The following CFAP91 variants were observed in gnomAD, a reference collection of about 807,000 sequenced individuals.
CFAP91 encodes the protein cilia- and flagella-associated protein 91.
In CFAP91, 85 loss-of-function variants were observed where a neutral mutation model predicts 95.9. The observed-to-expected ratio is 0.89, with a 90% confidence interval of 0.74 to 1.06. CFAP91 has a LOEUF of 1.06. CFAP91 is among the 50% of genes least tolerant of loss of function. CFAP91 has a pLI of 0.00. For missense variants in CFAP91, 962 were observed against 943.4 expected, an observed-to-expected ratio of 1.02 and a Z score of -0.26; for synonymous variants, 335 against 327.5, an observed-to-expected ratio of 1.02 and a Z score of -0.25.
chr3:119,747,377 C>T, intron 15 of CFAP91, 114 bp downstream of exon 15: 1 of 1,208,754 alleles, frequency 8.3e-7, no homozygotes, highest in Non-Finnish European at 1.1e-6. Flanking sequence ...ACTCATACTT[C>T]AGCGTCCATT....
rs1178123261 is a variant in CFAP91 at position 119,703,168 on chromosome 3, A to G, written c.70A>G (p.Arg24Gly). 1 of 1,606,962 alleles carries G rather than the reference A, an allele frequency of 6.2e-7. No individual in the cohort carries two copies. Among genetic ancestry groups the G allele is most frequent in the Non-Finnish European group, 8.5e-7 (1 of 1,176,626 alleles). The change falls in exon 1 of 18, where the codon AGG becomes GGG. Residue 24 changes from arginine (R) to glycine (G), a missense_variant. Coordinates refer to ENST00000273390, the MANE Select transcript of CFAP91 (RefSeq NM_033364.4). ...PQVSQTRYRE[R>G]SRAGSHISSN... ...GGTGTCTCAAACTCGGTACCGGGAG[A>G]GGTCGCGGGCTGGGAGCCACATCTC... is the stretch of plus-strand genomic sequence containing the variant.
At chr3:119,707,603 A>G in intron 3 of CFAP91, 42 bp downstream of exon 3, 1 of 1,499,980 alleles carries the variant, frequency 6.7e-7, no homozygotes, top group South Asian at 1.3e-5. Flanking sequence ...AAATGCATTA[A>G]AAGCATTTCT....
Position 119,730,231 on chromosome 3 carries a change from T to A in CFAP91, c.872T>A (p.Ile291Asn). 1 of 1,613,622 alleles carries A rather than the reference T, an allele frequency of 6.2e-7. No individual in the cohort carries two copies. Among genetic ancestry groups the A allele is most frequent in the Non-Finnish European group, 8.5e-7 (1 of 1,179,894 alleles). Residue 291 changes from isoleucine to asparagine, a missense_variant, in exon 8 of 18, where the codon ATT becomes AAT. Transcript: ENST00000273390. ...REQEIEKLQE[I>N]RLEVLKELLR... ...TAATTTACTTGAAGACTGCAGGAGA[T>A]TCGCCTGGAAGTTCTAAAAGAGCTG...
chr3:119,715,535 A>G (rs778677534), intron 5 of CFAP91, 27 bp from the exon 6 acceptor site: 42 of 1,601,504 alleles, frequency 2.6e-5, no homozygotes, highest in Non-Finnish European at 3.4e-5. Context: ...ACAGGTTTCA[A>G]TTTTTAAACT....
chr3:119,728,894 C>T lies in CFAP91; in HGVS notation c.861-1326C>T, dbSNP rs1278249888. 2.0e-5 allele frequency among the ~76,000 whole-genome samples: 3 copies of T among 152,198 alleles called. 1 individual carries two copies. The highest frequency in any genetic ancestry group is 2.0e-4 in the Admixed American group (3 of 15,284). ...CACTCTTCTAGCCTGGTATGTATCT[C>T]CTTGTGCGGGAAATGTCGGTTCTTA... On this transcript the variant is annotated intron_variant, in intron 7 of 17. Transcript: ENST00000273390.
At chr3:119,757,805 G>A (rs954831404) in intron 17 of CFAP91, among the ~76,000 whole-genome samples, 1 of 152,056 alleles carries the variant, frequency 6.6e-6, no homozygotes, top group Non-Finnish European at 1.5e-5. Flanking sequence ...GAAACCAGAG[G>A]AGCTGTGTGG....
At position 119,707,398 on chromosome 3, in the gene CFAP91, CATT is replaced by C; in HGVS notation, c.202-4_202-2del. On this transcript the variant is annotated splice_region_variant and splice_polypyrimidine_tract_variant and intron_variant, in intron 2 of 17. Coordinates refer to ENST00000273390, the MANE Select transcript of CFAP91 (RefSeq NM_033364.4). The stretch of plus-strand genomic sequence containing the variant: ...TTTGTCCTTTGCCTCCCTTCTCTAA[CATT>C]AGAGAAAAGTTCCCAGGTTTAAAAC... 6.5e-7 allele frequency: 1 copy of C among 1,529,424 alleles called. No homozygotes were observed. 94.7% of individuals were successfully genotyped at this position (1,529,424 alleles called of 1,614,324 possible).
In CFAP91 at chr3:119,721,282, G is replaced by A. The variant is rs75911951; in HGVS notation, c.683-4889G>A. Among the ~76,000 whole-genome samples the A allele has an allele frequency of 7.3e-3, 1,117 of 152,296 alleles. 7 individuals are homozygous for A. Among genetic ancestry groups the A allele is most frequent in the Middle Eastern group, 0.038 (11 of 292 alleles). On this transcript the variant is annotated intron_variant, in intron 6 of 17. Transcript: ENST00000273390. Reference sequence around the variant, plus strand: ...GAAAAAGTATTTTATAGCATGCAGTGCTCATTTATGACATATACTCTGAAT... The same window carrying A: ...GAAAAAGTATTTTATAGCATGCAGTACTCATTTATGACATATACTCTGAAT...
At position 119,740,473 on chromosome 3, in the gene CFAP91, C is replaced by G. The variant is rs2054093960; in HGVS notation, c.1534-76C>G. On this transcript the variant is annotated intron_variant, in intron 12 of 17. Transcript: ENST00000273390. ...CACTGTTCACAAGTGTCTCACAAGT[C>G]ACTGCGTGTGACTCCTAGTGCTTGG... The G allele has an allele frequency of 6.5e-6, 10 of 1,530,182 alleles. No homozygotes were observed. The African/African-American group carries it at 1.1e-4, about 17-fold the overall frequency. 94.8% of individuals were successfully genotyped at this position (1,530,182 alleles called of 1,614,324 possible). A position where few individuals can be genotyped will look rare whatever the true frequency, so the allele number is the denominator to read the frequency against.
At chr3:119,740,526 G>C (rs748661726) in intron 12 of CFAP91, 23 bp from the exon 13 acceptor site, 1 of 1,558,818 alleles carries the variant, frequency 6.4e-7, no homozygotes, top group Admixed American at 1.7e-5. Flanking sequence ...TTGCAGGTCT[G>C]TCTTTGATTT....
At chr3:119,723,080 A>T (rs1400161362) in intron 6 of CFAP91, among the ~76,000 whole-genome samples, 1 of 152,226 alleles carries the variant, frequency 6.6e-6, no homozygotes, top group Non-Finnish European at 1.5e-5. Context: ...CCCAGAAATT[A>T]TACAAAAGCA....
At position 119,733,392 on chromosome 3, in the gene CFAP91, A is replaced by G; in HGVS notation, c.1230A>G (p.Pro410=). ...TAGTGGAACTTGAGTCATGTCTCCC[A>G]GATTTTGTGACACAACCCCAAATCA... ...EGLVELESCL[P]DFVTQPQIRA... The change falls in exon 10 of 18, where the codon CCA becomes CCG. Residue 410 remains proline (P), a synonymous_variant. Transcript: ENST00000273390. The G allele has an allele frequency of 2.5e-6, 4 of 1,614,118 alleles. No homozygotes were observed. Among genetic ancestry groups the G allele is most frequent in the Non-Finnish European group, 3.4e-6 (4 of 1,179,976 alleles).
At chr3:119,735,337 A>C (rs1261810590) in intron 10 of CFAP91, among the ~76,000 whole-genome samples, 5 of 152,144 alleles carry the variant, frequency 3.3e-5, no homozygotes, top group Admixed American at 1.3e-4. Context: ...CATGTAGCTC[A>C]TCAGTTTCAG....
intron 4 of CFAP91, among the ~76,000 whole-genome samples, chr3:119,709,343 A>G (rs1381278524): frequency 6.6e-6 from 1 of 152,188 alleles, no homozygotes; most frequent in East Asian, 1.9e-4. Context: ...ATTTTGTGAT[A>G]CTGACTTTTC....
At chr3:119,719,341 T>C (rs557491439) in intron 6 of CFAP91, among the ~76,000 whole-genome samples, 92 of 152,344 alleles carry the variant, frequency 6.0e-4, no homozygotes, top group African/African-American at 2.1e-3. Flanking sequence ...TCTGGTAATA[T>C]TCTATTCCTT....
At chr3:119,728,028 G>A (rs1234494722) in intron 7 of CFAP91, among the ~76,000 whole-genome samples, 1 of 151,824 alleles carries the variant, frequency 6.6e-6, no homozygotes, top group Non-Finnish European at 1.5e-5. Context: ...TGATGATGAT[G>A]ATGATGATGA....
In CFAP91 at chr3:119,747,531, A is replaced by G. The variant is rs9815987; in HGVS notation, c.2051+268A>G. 3,159 of 561,232 alleles carry G rather than the reference A, an allele frequency of 5.6e-3. 81 individuals carry two copies. Among genetic ancestry groups the G allele is most frequent in the African/African-American group, 0.054 (2,879 of 53,120 alleles). 34.8% of individuals were successfully genotyped at this position (561,232 alleles called of 1,614,324 possible). A position where few individuals can be genotyped will look rare whatever the true frequency, so the allele number is the denominator to read the frequency against. On this transcript the variant is annotated intron_variant, in intron 15 of 17. Coordinates refer to ENST00000273390, the MANE Select transcript of CFAP91 (RefSeq NM_033364.4). ...AAAACAATGTGAATACGTGTGTGCA[A>G]CATTACTGGGACTTCATCCCAAGGT...
chr3:119,718,667 A>G (rs1188893620), intron 6 of CFAP91, among the ~76,000 whole-genome samples: 1 of 152,118 alleles, frequency 6.6e-6, no homozygotes, highest in African/African-American at 2.4e-5. Context: ...AACTCAGATT[A>G]CCTACAAAGA....
intron 17 of CFAP91, among the ~76,000 whole-genome samples, chr3:119,757,180 T>C (rs1399184570): frequency 1.3e-5 from 2 of 152,178 alleles, no homozygotes; most frequent in Non-Finnish European, 2.9e-5. Context: ...GTCTAATTTA[T>C]TGGGAAGATA....
Sources: allele counts gnomAD v4.1 joint callset (sites outside exome capture counted in the v4.1 genomes callset), GRCh38; gene constraint gnomAD v4.1.1; transcripts MANE v1.5; gene names NCBI Gene and HGNC (gene_info 2026-07-23, HGNC 2026-07-21).